Variants in ENO3 observed in about 807,000 individuals in gnomAD.
ENO3 encodes beta-enolase.
ENO3 carries 46 observed loss-of-function variants against 47.7 expected under a neutral mutation model. The ratio of observed to expected loss-of-function variants is 0.96; its 90% CI spans 0.76 to 1.23. The LOEUF is 1.23. ENO3 is among the 50% of genes most tolerant of loss of function. ENO3 has a pLI of 0.00. For synonymous variants in ENO3, 223 were observed against 225.9 expected, an observed-to-expected ratio of 0.99 and a Z score of 0.11; for missense variants, 575 against 566.2, an observed-to-expected ratio of 1.02 and a Z score of -0.16.
At chr17:4,954,996 A>C (rs1971671740) in intron 6 of ENO3, 79 bp from the exon 7 acceptor site, 4 of 1,359,750 alleles carry the variant, frequency 2.9e-6, no homozygotes, top group Admixed American at 2.0e-5. Context: ...CCAGGTTTCC[A>C]CCCCAACACC....
At chr17:4,951,525 C>T (rs891297054) in intron 1 of ENO3, among the ~76,000 whole-genome samples, 2 of 151,934 alleles carry the variant, frequency 1.3e-5, no homozygotes, top group South Asian at 2.1e-4. Flanking sequence ...GACTGCTTGA[C>T]CAGAGGGGTG....
At position 4,955,947 on chromosome 17, in the gene ENO3, T is replaced by A. The variant is rs1451227832; in HGVS notation, c.871T>A (p.Ser291Thr). 1 of 1,613,186 alleles carries A rather than the reference T, an allele frequency of 6.2e-7. No individual in the cohort carries two copies. The highest frequency in any genetic ancestry group is 2.2e-5 in the East Asian group (1 of 44,822). Residue 291 changes from serine to threonine, a missense_variant, in exon 9 of 12, where the codon TCC becomes ACC. By Grantham distance (58) the Ser-to-Thr change is moderately conservative (BLOSUM62 1). Transcript: ENST00000519602. ...TCTGCTCCAAACCCCACCAGTGGTC[T>A]CCATCGAAGACCCCTTTGACCAGGA... ...KSFIKNYPVVSIEDPFDQDDW... is the reference protein window; with the variant it reads ...KSFIKNYPVVTIEDPFDQDDW...
At position 4,955,089 on chromosome 17, in the gene ENO3, C is replaced by T. The variant is rs780621008; in HGVS notation, c.459C>T (p.Ile153=). 2.5e-6 allele frequency: 4 copies of T among 1,606,866 alleles called. No homozygotes were observed. The South Asian group carries it at 3.3e-5, about 13-fold the overall frequency. ...LILPVPAFNV[I]NGGSHAGNKL... is the part of the protein sequence containing the mutation. ...CCCCATCTCAGGCCTTCAATGTGAT[C>T]AACGGGGGCTCCCATGCTGGAAACA... Residue 153 remains isoleucine (I), a synonymous_variant, in exon 7 of 12, where the codon ATC becomes ATT. Coordinates refer to ENST00000519602, the MANE Select transcript of ENO3 (RefSeq NM_053013.4).
intron 9 of ENO3, 91 bp downstream of exon 9, chr17:4,956,234 C>T (rs1291455111): frequency 6.8e-7 from 1 of 1,466,430 alleles, no homozygotes; most frequent in East Asian, 2.4e-5. Flanking sequence ...CAACTCCAAG[C>T]TTACCTTTCC....
intron 1 of ENO3, 80 bp downstream of exon 1, chr17:4,951,262 T>C: frequency 9.9e-7 from 1 of 1,007,412 alleles, no homozygotes; most frequent in Non-Finnish European, 1.2e-6. Context: ...TGGGGGACAT[T>C]TCTGCTTTTT....
At chr17:4,954,425 AC>A (rs1206267814) in intron 6 of ENO3, among the ~76,000 whole-genome samples, 2 of 152,218 alleles carry the variant, frequency 1.3e-5, no homozygotes, top group Non-Finnish European at 2.9e-5. Flanking sequence ...TAATAACGAT[AC>A]CAATGAATAG....
At chr17:4,949,773 C>T (rs1002657497), upstream of ENO3, among the ~76,000 whole-genome samples, 2 of 152,148 alleles carry the variant, frequency 1.3e-5, no homozygotes, top group African/African-American at 4.8e-5. Context: ...CTCCCGAGCG[C>T]GGCGCGCATC....
At chr17:4,953,600 C>T (rs530467743) in intron 5 of ENO3, 112 bp from the exon 6 acceptor site, 2 of 1,591,572 alleles carry the variant, frequency 1.3e-6, no homozygotes, top group African/African-American at 2.7e-5. Flanking sequence ...GGGGAGAGAT[C>T]TGTTAACCAA....
Position 4,953,697 on chromosome 17 carries a change from C to A in ENO3, c.311-15C>A. On this transcript the variant is annotated splice_polypyrimidine_tract_variant and intron_variant, in intron 5 of 11. Transcript: ENST00000519602. ...CAGAAGCTCTCATCCTTTCTTCCCG[C>A]TTGCCTCCTTCCAGCCAAGTTTGGG... 6.2e-7 allele frequency: 1 copy of A among 1,614,266 alleles called. No homozygotes were observed.
chr17:4,953,213 G>GTA, intron 4 of ENO3, 59 bp from the exon 5 acceptor site: 1 of 1,612,922 alleles, frequency 6.2e-7, no homozygotes, highest in South Asian at 1.1e-5. Context: ...TCCCCTGCAT[G>GTA]TGCCCTGACT....
At chr17:4,949,664 C>T (rs1006375327), upstream of ENO3, among the ~76,000 whole-genome samples, 1 of 152,144 alleles carries the variant, frequency 6.6e-6, no homozygotes, top group African/African-American at 2.4e-5. Flanking sequence ...CCGCCTCCTC[C>T]GACCCGCCGC....
At chr17:4,953,881 T>C in intron 6 of ENO3, 36 bp downstream of exon 6, 1 of 1,613,856 alleles carries the variant, frequency 6.2e-7, no homozygotes, top group Non-Finnish European at 8.5e-7. Flanking sequence ...AGATCTCGCC[T>C]GGACAGAGCC....
At chr17:4,952,513 T>C (rs188003259) in intron 2 of ENO3, among the ~76,000 whole-genome samples, 51 of 152,254 alleles carry the variant, frequency 3.3e-4, no homozygotes, top group African/African-American at 6.0e-4. Flanking sequence ...TTAGTAGAGA[T>C]GGGGTTTCAC....
chr17:4,952,468 C>CT (rs1191407247), intron 2 of ENO3: 5 of 362,082 alleles, frequency 1.4e-5, no homozygotes, highest in Non-Finnish European at 2.7e-5. Context: ...CTCAGCCTCC[C>CT]GAGTAGCTGG....
At chr17:4,951,308 G>C in intron 1 of ENO3, 126 bp downstream of exon 1, 1 of 1,008,738 alleles carries the variant, frequency 9.9e-7, no homozygotes, top group African/African-American at 1.7e-5. Flanking sequence ...AAAAAGCTGG[G>C]GGAAGGGGCG....
At chr17:4,953,414 G>A (rs775009122) in intron 5 of ENO3, 73 bp downstream of exon 5, 18 of 1,591,978 alleles carry the variant, frequency 1.1e-5, no homozygotes, top group Admixed American at 1.0e-4. Context: ...GGTGAGGCCT[G>A]ATGGGTTATT....
At chr17:4,956,307 C>T (rs1971731785) in intron 9 of ENO3, 164 bp downstream of exon 9, 1 of 905,954 alleles carries the variant, frequency 1.1e-6, no homozygotes, top group East Asian at 2.6e-5. Flanking sequence ...CTTGGCCTGA[C>T]TCCAAGAGCT....
intron 10 of ENO3, 42 bp from the exon 11 acceptor site, chr17:4,956,789 T>C: frequency 1.9e-6 from 3 of 1,614,162 alleles, no homozygotes; most frequent in Non-Finnish European, 2.5e-6. Flanking sequence ...ACCCCTCCTT[T>C]CCAGCCTCAC....
Position 4,956,875 on chromosome 17 carries a change from C to A in ENO3, c.1221C>A (p.Tyr407Ter), listed in dbSNP as rs776238721. ...APCRSERLAK[Y>*]NQLMRIEEAL... ...GCCGCTCGGAGCGTCTGGCCAAATACAACCAACTCATGAGGTACAGCGGGA... is the reference window on the plus strand; with the variant it reads ...GCCGCTCGGAGCGTCTGGCCAAATAAAACCAACTCATGAGGTACAGCGGGA... Residue 407 changes from tyrosine to a stop codon, truncating the protein, a stop_gained, in exon 11 of 12, where the codon TAC (tyrosine) becomes TAA (stop). Transcript: ENST00000519602. LOFTEE classifies it high-confidence loss of function. The A allele has an allele frequency of 1.5e-5, 24 of 1,614,112 alleles. No individual in the cohort carries two copies. In the African/African-American group the frequency reaches 3.1e-4, roughly 21 times the overall value.
Sources: gnomAD v4.1 joint callset for allele counts (sites outside exome capture counted in the v4.1 genomes callset) on GRCh38, gnomAD v4.1.1 for gene constraint, MANE v1.5 for transcripts, NCBI Gene and HGNC (gene_info 2026-07-23, HGNC 2026-07-21) for gene names.